Variants in MTCL2 observed in about 807,000 individuals in gnomAD.
MTCL2 encodes the protein microtubule cross-linking factor 2.
chr20:36,811,910 G>A, the MTCL2 span, among the ~76,000 whole-genome samples: 2 of 152,196 alleles, frequency 1.3e-5, no homozygotes, highest in South Asian at 2.1e-4. Context: ...CACCCAGTCC[G>A]TAGGAGCCTT....
the MTCL2 span, chr20:36,815,993 A>G: frequency 6.2e-7 from 1 of 1,613,430 alleles, no homozygotes; most frequent in Non-Finnish European, 8.5e-7. This position sits in a 1 kb window ranked among gnomAD's most constrained non-coding sequence, Gnocchi z 5.3. Context: ...CACCTCCATG[A>G]TCCTTCATGT....
the MTCL2 span, among the ~76,000 whole-genome samples, chr20:36,811,538 G>A: frequency 1.3e-5 from 2 of 151,760 alleles, no homozygotes; most frequent in Admixed American, 6.6e-5. Context: ...GCTGAGGCTC[G>A]AGATTCGCTT....
the MTCL2 span, among the ~76,000 whole-genome samples, chr20:36,799,185 A>G: frequency 6.6e-6 from 1 of 151,604 alleles, no homozygotes; most frequent in East Asian, 2.0e-4. Flanking sequence ...GCGAAACCCC[A>G]TCTCTACAAA....
the MTCL2 span, chr20:36,816,118 G>T: frequency 2.5e-6 from 4 of 1,613,548 alleles, no homozygotes; most frequent in Non-Finnish European, 3.4e-6. Flanking sequence ...TCGGTCTCCC[G>T]CGAGTGGGGG....
chr20:36,806,664 T>C, the MTCL2 span, among the ~76,000 whole-genome samples: 7 of 152,084 alleles, frequency 4.6e-5, no homozygotes, highest in East Asian at 1.4e-3. Flanking sequence ...GGACTACCAG[T>C]GTGCACCACC....
At chr20:36,860,327 C>T in the MTCL2 span, among the ~76,000 whole-genome samples, 1 of 152,152 alleles carries the variant, frequency 6.6e-6, no homozygotes, top group Non-Finnish European at 1.5e-5. Flanking sequence ...CAAACTGTCC[C>T]CTTTACCCTC....
the MTCL2 span, among the ~76,000 whole-genome samples, chr20:36,800,990 G>A: frequency 6.6e-6 from 1 of 152,178 alleles, no homozygotes; most frequent in Non-Finnish European, 1.5e-5. Context: ...AAATATTCAT[G>A]CGTGTGCAGA....
the MTCL2 span, chr20:36,815,612 C>G: frequency 6.3e-7 from 1 of 1,598,296 alleles, no homozygotes; most frequent in Non-Finnish European, 8.5e-7. The surrounding 1 kb of genome is among the most constrained non-coding windows in gnomAD (Gnocchi z 5.3). Flanking sequence ...GCCGCGTACT[C>G]TGGCAGGAGG....
chr20:36,849,276 G>A, the MTCL2 span, among the ~76,000 whole-genome samples: 22 of 151,538 alleles, frequency 1.5e-4, no homozygotes, highest in African/African-American at 4.6e-4. Flanking sequence ...TAGACAGTCT[G>A]GTCTTGAACT....
At chr20:36,793,883 T>G in the MTCL2 span, 4 of 1,550,124 alleles carry the variant, frequency 2.6e-6, no homozygotes, top group Non-Finnish European at 2.6e-6. This position sits in a 1 kb window ranked among gnomAD's most constrained non-coding sequence, Gnocchi z 6.8. Flanking sequence ...GGCCTTGCCA[T>G]GGAGGCTGCT....
chr20:36,841,874 GGTGTGTGTGTGTGTGTGTGTGT>G, the MTCL2 span, among the ~76,000 whole-genome samples: 128 of 110,862 alleles, frequency 1.2e-3, no homozygotes, highest in Non-Finnish European at 1.8e-3. Flanking sequence ...TGGGGGGTGG[GGTGTGTGTGTGTGTGTGTGTGT>G]GTGTGTGTGT....
the MTCL2 span, among the ~76,000 whole-genome samples, chr20:36,818,766 A>ATGTTG: frequency 6.6e-6 from 1 of 152,274 alleles, no homozygotes; most frequent in Non-Finnish European, 1.5e-5. Flanking sequence ...CTCTGAAAAA[A>ATGTTG]TATCTGCAAT....
At chr20:36,785,289 A>C in the MTCL2 span, 1 of 985,172 alleles carries the variant, frequency 1.0e-6, no homozygotes, top group South Asian at 4.7e-5. Context: ...CCGTGCTGTT[A>C]GAGGCCTCAT....
the MTCL2 span, among the ~76,000 whole-genome samples, chr20:36,840,021 C>G: frequency 1.3e-5 from 2 of 152,260 alleles, no homozygotes; most frequent in Admixed American, 6.5e-5. Flanking sequence ...CACCACCACA[C>G]CCAGCTGATT....
chr20:36,786,578 G>C, the MTCL2 span: 2 of 1,551,166 alleles, frequency 1.3e-6, no homozygotes, highest in Non-Finnish European at 8.7e-7. Flanking sequence ...GGATGGCAGA[G>C]CGGGACGATC....
chr20:36,816,783 C>T, the MTCL2 span, among the ~76,000 whole-genome samples: 1 of 152,194 alleles, frequency 6.6e-6, no homozygotes, highest in Non-Finnish European at 1.5e-5. Flanking sequence ...AAATGACTCG[C>T]TCCAATCACA....
the MTCL2 span, among the ~76,000 whole-genome samples, chr20:36,787,006 C>T: frequency 4.2e-4 from 64 of 151,372 alleles, no homozygotes; most frequent in Non-Finnish European, 7.2e-4. Flanking sequence ...CCTTTTTTTT[C>T]GTTTGAGACA....
At chr20:36,808,140 G>T in the MTCL2 span, among the ~76,000 whole-genome samples, 2 of 151,454 alleles carry the variant, frequency 1.3e-5, no homozygotes, top group Non-Finnish European at 2.9e-5. Flanking sequence ...CTCCCAAAGT[G>T]CTGGGATTAC....
the MTCL2 span, among the ~76,000 whole-genome samples, chr20:36,838,252 G>C: frequency 2.0e-4 from 31 of 152,134 alleles, no homozygotes; most frequent in Admixed American, 2.0e-3. Context: ...GGGTTTCACT[G>C]TATTAGCCAG....
Sources: allele counts gnomAD v4.1 joint callset (sites outside exome capture counted in the v4.1 genomes callset), GRCh38; gene constraint gnomAD v4.1.1; non-coding constraint Gnocchi (gnomAD v3.1); transcripts MANE v1.5; gene names NCBI Gene and HGNC (gene_info 2026-07-23, HGNC 2026-07-21).